The following ANKS1B variants were observed in gnomAD, a reference collection of about 807,000 sequenced individuals.
ANKS1B encodes ankyrin repeat and sterile alpha motif domain-containing protein 1B.
In ANKS1B, 36 loss-of-function variants were observed where a neutral mutation model predicts 148.3. The observed-to-expected ratio is 0.24, with a 90% confidence interval of 0.19 to 0.32. The LOEUF is 0.32. Ranked by LOEUF, ANKS1B falls within the 10% of genes least tolerant of loss-of-function variation. The probability of loss-of-function intolerance (pLI) is 1.00; values close to 1 mark genes in which losing one functional copy is unlikely to be tolerated. For missense variants in ANKS1B, 1,157 were observed against 1,542.6 expected (o/e 0.75, Z 4.19); for synonymous variants, 542 against 560.8 (o/e 0.97, Z 0.47).
intron 12 of ANKS1B, among the ~76,000 whole-genome samples, chr12:99,296,756 G>A (rs1477773009): frequency 1.3e-5 from 2 of 152,180 alleles, no homozygotes; most frequent in Admixed American, 6.5e-5. Context: ...GCCAAAAAGT[G>A]CCTTTGATAA....
At chr12:99,173,732 G>C (rs190672285) in intron 14 of ANKS1B, among the ~76,000 whole-genome samples, 1 of 152,154 alleles carries the variant, frequency 6.6e-6, no homozygotes, top group Non-Finnish European at 1.5e-5. Context: ...AGCCAACCTG[G>C]GAATCTGTCA....
intron 17 of ANKS1B, among the ~76,000 whole-genome samples, chr12:98,918,112 G>A (rs1446317561): frequency 6.6e-6 from 1 of 152,210 alleles, no homozygotes; most frequent in Non-Finnish European, 1.5e-5. Context: ...AATAGTTCCT[G>A]CATAAGGACT....
intron 15 of ANKS1B, among the ~76,000 whole-genome samples, chr12:99,098,192 A>T (rs1210917799): frequency 2.0e-5 from 3 of 152,322 alleles, no homozygotes; most frequent in Non-Finnish European, 4.4e-5. Flanking sequence ...CTTGGCTGAG[A>T]TCACACAGTA....
At chr12:99,597,924 A>G (rs1363828459) in intron 9 of ANKS1B, among the ~76,000 whole-genome samples, 5 of 152,100 alleles carry the variant, frequency 3.3e-5, no homozygotes, top group African/African-American at 9.6e-5. Context: ...TTTTCCTTAA[A>G]CCAAGTGTTA....
intron 9 of ANKS1B, among the ~76,000 whole-genome samples, chr12:99,557,472 A>G (rs969285357): frequency 6.6e-6 from 1 of 152,146 alleles, no homozygotes; most frequent in Non-Finnish European, 1.5e-5. Flanking sequence ...TTGAAATTGT[A>G]TCATAAAACT....
At chr12:99,189,907 T>A (rs2080413572) in intron 14 of ANKS1B, among the ~76,000 whole-genome samples, 1 of 152,176 alleles carries the variant, frequency 6.6e-6, no homozygotes, top group Non-Finnish European at 1.5e-5. Context: ...AATGCCTCTG[T>A]TTGCAGATGA....
rs554667595 is a variant in ANKS1B at position 98,857,735 on chromosome 12, G to A, written c.2779-25599C>T. Among the ~76,000 whole-genome samples the A allele has an allele frequency of 1.5e-4, 23 of 152,056 alleles. No homozygotes were observed. In the South Asian group the frequency reaches 4.2e-3, roughly 27 times the overall value. Reference sequence around the variant, plus strand: ...TGAATATTTCAAGAACTATTTATGGGGGTCAGTAAATATAATATTTCTAAA... The same window carrying A: ...TGAATATTTCAAGAACTATTTATGGAGGTCAGTAAATATAATATTTCTAAA... On this transcript the variant is annotated intron_variant, in intron 17 of 26. Coordinates refer to ENST00000683438, the MANE Select transcript of ANKS1B (RefSeq NM_001352186.2).
intron 16 of ANKS1B, among the ~76,000 whole-genome samples, chr12:99,083,302 T>C (rs1262672935): frequency 6.6e-6 from 1 of 152,142 alleles, no homozygotes; most frequent in Non-Finnish European, 1.5e-5. Context: ...CAATCTCAAA[T>C]ATCCAGGTGT....
intron 12 of ANKS1B, among the ~76,000 whole-genome samples, chr12:99,331,866 AGACT>A (rs2087625631): frequency 6.6e-6 from 1 of 152,014 alleles, no homozygotes; most frequent in African/African-American, 2.4e-5. Flanking sequence ...AAAATCACAC[AGACT>A]GAATCATACG....
chr12:99,138,399 T>C (rs2068867021), intron 15 of ANKS1B, among the ~76,000 whole-genome samples: 1 of 152,230 alleles, frequency 6.6e-6, no homozygotes, highest in Non-Finnish European at 1.5e-5. Context: ...GTACTAGCCC[T>C]CAGGAAGATG....
Position 99,472,815 on chromosome 12 carries a change from T to C in ANKS1B, c.1439-29006A>G, listed in dbSNP as rs1056179561. On this transcript the variant is annotated intron_variant, in intron 10 of 26. Coordinates refer to ENST00000683438, the MANE Select transcript of ANKS1B (RefSeq NM_001352186.2). ...GTTAAACTGCGCTTAAAATAAGATATATATTTGCTTTTAACCATGTCAAAT... is the reference window on the plus strand; with the variant it reads ...GTTAAACTGCGCTTAAAATAAGATACATATTTGCTTTTAACCATGTCAAAT... 3.3e-5 allele frequency among the ~76,000 whole-genome samples: 5 copies of C among 152,172 alleles called. No individual in the cohort carries two copies. The South Asian group carries it at 8.3e-4, about 25-fold the overall frequency.
rs1371030840 is a variant in ANKS1B at position 99,775,562 on chromosome 12, G to A, written c.947C>T (p.Ser316Phe). 11 of 1,612,454 alleles carry A rather than the reference G, an allele frequency of 6.8e-6. No individual in the cohort carries two copies. In the Admixed American group the frequency reaches 1.8e-4, roughly 27 times the overall value. ...THISSPVESP[S>F]QKTKSETVTG... The stretch of plus-strand genomic sequence containing the variant: ...TAGGTACTCACTTTTGGTCTTTTGG[G>A]AAGGAGACTCAACAGGAGATGAAAT... Residue 316 changes from serine to phenylalanine, a missense_variant, in exon 7 of 27, where the codon TCC (serine) becomes TTC (phenylalanine). This residue lies in a region of ANKS1B where 661 missense variants were observed against 642.1 expected (regional missense o/e 1.03). Coordinates refer to ENST00000683438, the MANE Select transcript of ANKS1B (RefSeq NM_001352186.2).
Position 99,053,250 on chromosome 12 carries a change from G to A in ANKS1B, c.2685C>T (p.Ser895=), listed in dbSNP as rs533764833. 29 of 1,611,510 alleles carry A rather than the reference G, an allele frequency of 1.8e-5. No individual in the cohort carries two copies. Among genetic ancestry groups the A allele is most frequent in the Non-Finnish European group, 2.5e-5 (29 of 1,178,956 alleles). ...CTTTGGTGTAGTCGCCCAGTTCAAT[G>A]GAATCCAGCCACTCAGCTACAGAGG... ...HPTSVAEWLD[S]IELGDYTKAF... Residue 895 remains serine (S), a synonymous_variant, in exon 17 of 27, where the codon TCC becomes TCT. Transcript: ENST00000683438.
At chr12:99,967,718 C>T (rs937597303) in intron 1 of ANKS1B, among the ~76,000 whole-genome samples, 2 of 151,598 alleles carry the variant, frequency 1.3e-5, no homozygotes, top group Non-Finnish European at 2.9e-5. Flanking sequence ...AACATCTTGG[C>T]CAACATGGTG....
chr12:99,267,721 G>C (rs1255136005), intron 12 of ANKS1B, among the ~76,000 whole-genome samples: 2 of 152,150 alleles, frequency 1.3e-5, no homozygotes, highest in Admixed American at 1.3e-4. Context: ...TGTTTTTAAA[G>C]AAGTTTTGTG....
intron 12 of ANKS1B, among the ~76,000 whole-genome samples, chr12:99,277,641 G>A (rs2077851260): frequency 6.6e-6 from 1 of 152,160 alleles, no homozygotes; most frequent in Admixed American, 6.5e-5. Flanking sequence ...TGAGTCCTCG[G>A]TACTGTTCAG....
chr12:99,744,949 G>T (rs1047191936), intron 8 of ANKS1B, among the ~76,000 whole-genome samples: 6 of 123,136 alleles, frequency 4.9e-5, no homozygotes, highest in Admixed American at 3.3e-4. Context: ...CCAAGATTGC[G>T]CCACTGCACT....
In ANKS1B at chr12:99,825,809, A is replaced by T. The variant is rs573272093; in HGVS notation, c.135-420T>A. Among the ~76,000 whole-genome samples the T allele has an allele frequency of 1.1e-4, 17 of 152,342 alleles. No individual in the cohort carries two copies. In the South Asian group the frequency reaches 3.3e-3, roughly 30 times the overall value. On this transcript the variant is annotated intron_variant, in intron 1 of 26. Transcript: ENST00000683438. ...GAGGTGCCGGTGATTTATATAAGTTATAAGATATTTTTGCATTGTGGGAAG... is the reference window on the plus strand; with the variant it reads ...GAGGTGCCGGTGATTTATATAAGTTTTAAGATATTTTTGCATTGTGGGAAG...
At chr12:99,073,222 A>G (rs1018002993) in intron 16 of ANKS1B, among the ~76,000 whole-genome samples, 5 of 152,318 alleles carry the variant, frequency 3.3e-5, no homozygotes, top group African/African-American at 1.2e-4. Flanking sequence ...AGATTTAGAA[A>G]CTTGCCCATG....
Sources: gnomAD v4.1 joint callset for allele counts (sites outside exome capture counted in the v4.1 genomes callset) on GRCh38, gnomAD v4.1.1 for gene constraint, gnomAD v4.1.1 regional missense constraint, MANE v1.5 for transcripts, NCBI Gene and HGNC (gene_info 2026-07-23, HGNC 2026-07-21) for gene names.